The following ATP10B variants were observed in gnomAD, a reference collection of about 807,000 sequenced individuals.
ATP10B encodes phospholipid-transporting ATPase VB.
ATP10B carries 122 observed loss-of-function variants against 141.2 expected under a neutral mutation model. The ratio of observed to expected loss-of-function variants is 0.86; its 90% CI spans 0.75 to 1.00. The LOEUF is 1.00. Among genes scored for constraint, ATP10B ranks in the 50% least tolerant of loss-of-function variants. The pLI is 0.00. For synonymous variants in ATP10B, 685 were observed against 692.0 expected, an observed-to-expected ratio of 0.99 and a Z score of 0.16; for missense variants, 1,876 against 1,825.3, an observed-to-expected ratio of 1.03 and a Z score of -0.51.
At chr5:160,602,538 G>A (rs1417064580) in intron 21 of ATP10B, 39 bp downstream of exon 21, 1 of 1,611,788 alleles carries the variant, frequency 6.2e-7, no homozygotes, top group Non-Finnish European at 8.5e-7. Context: ...GGCAAGGCCT[G>A]CCAAAGCCCT....
the ATP10B span, among the ~76,000 whole-genome samples, chr5:160,858,814 T>C: frequency 6.6e-6 from 1 of 151,880 alleles, no homozygotes; most frequent in East Asian, 1.9e-4. Context: ...GTTTTATCAT[T>C]TTACCAGTTT....
Position 160,649,242 on chromosome 5 carries a change from T to A in ATP10B, c.690A>T (p.Glu230Asp). The A allele has an allele frequency of 6.2e-7, 1 of 1,613,864 alleles. No individual in the cohort carries two copies. Among genetic ancestry groups the A allele is most frequent in the South Asian group, 1.1e-5 (1 of 91,072 alleles). Residue 230 changes from glutamate (E) to aspartate (D), a missense_variant, in exon 8 of 26, where the codon GAA (glutamate) becomes GAT (aspartate). Glu to Asp is a conservative substitution (Grantham distance 45). Coordinates refer to ENST00000327245, the MANE Select transcript of ATP10B (RefSeq NM_025153.3). ...KGFSQQEVQF[E>D]PELFHNTIVC... ...CGATGGTATTGTGGAAAAGCTCTGG[T>A]TCGAACTGTACCTCCTGTGAGAGAG...
At chr5:160,698,321 T>G (rs1764488111) in intron 3 of ATP10B, among the ~76,000 whole-genome samples, 1 of 152,192 alleles carries the variant, frequency 6.6e-6, no homozygotes, top group Non-Finnish European at 1.5e-5. Flanking sequence ...TTTTTCCCTT[T>G]AAATATTTTT....
chr5:160,806,295 A>G (rs1231525044), intron 1 of ATP10B, among the ~76,000 whole-genome samples: 1 of 152,186 alleles, frequency 6.6e-6, no homozygotes, highest in South Asian at 2.1e-4. Flanking sequence ...TGCCAGTCCA[A>G]TTACACTCCC....
At chr5:160,769,207 C>A (rs1404464526) in intron 2 of ATP10B, among the ~76,000 whole-genome samples, 1 of 152,128 alleles carries the variant, frequency 6.6e-6, no homozygotes, top group East Asian at 1.9e-4. Context: ...AAATTTAATT[C>A]TTTCCTAGAG....
Position 160,634,581 on chromosome 5 carries a change from A to G in ATP10B, c.1154T>C (p.Val385Ala). The G allele has an allele frequency of 6.2e-7, 1 of 1,612,152 alleles. No homozygotes were observed. The highest frequency in any genetic ancestry group is 8.5e-7 in the Non-Finnish European group (1 of 1,178,838). The part of the protein sequence containing the change: ...LQVLIPISLY[V>A]SIELVKLGQV... The stretch of plus-strand genomic sequence containing the variant: ...CCCGAGCTTCACCAGCTCAATGGAG[A>G]CATACAAAGAGATGGGGATCAGCAC... Residue 385 changes from valine to alanine, a missense_variant, in exon 12 of 26, where the codon GTC becomes GCC. Physicochemically the swap from Val to Ala is moderately conservative, Grantham distance 64. Coordinates refer to ENST00000327245, the MANE Select transcript of ATP10B (RefSeq NM_025153.3).
intron 1 of ATP10B, among the ~76,000 whole-genome samples, chr5:160,847,432 A>T (rs1776195736): frequency 6.6e-6 from 1 of 152,124 alleles, no homozygotes; most frequent in Non-Finnish European, 1.5e-5. Flanking sequence ...CCTTGCGGTG[A>T]CCCCTTATGT....
At chr5:160,921,057 C>G in the ATP10B span, among the ~76,000 whole-genome samples, 1 of 152,158 alleles carries the variant, frequency 6.6e-6, no homozygotes, top group East Asian at 1.9e-4. Flanking sequence ...ACCCGCTCCC[C>G]ACCTTCCCCG....
At chr5:160,884,735 T>C in the ATP10B span, among the ~76,000 whole-genome samples, 1 of 152,132 alleles carries the variant, frequency 6.6e-6, no homozygotes, top group African/African-American at 2.4e-5. Flanking sequence ...AAAGTTAATT[T>C]AAAGAAAAGT....
At chr5:160,925,039 C>T in the ATP10B span, among the ~76,000 whole-genome samples, 1 of 152,204 alleles carries the variant, frequency 6.6e-6, no homozygotes, top group Admixed American at 6.5e-5. Flanking sequence ...CTAAAGATGA[C>T]AGGACACCGA....
chr5:160,636,791 C>T (rs1759411567), intron 10 of ATP10B, among the ~76,000 whole-genome samples: 1 of 150,116 alleles, frequency 6.7e-6, no homozygotes, highest in African/African-American at 2.5e-5. Flanking sequence ...CATCCATCCA[C>T]CTACCCATCT....
At position 160,649,217 on chromosome 5, in the gene ATP10B, C is replaced by T. The variant is rs751050963; in HGVS notation, c.715G>A (p.Val239Met). 3.8e-5 allele frequency: 62 copies of T among 1,613,806 alleles called. No individual in the cohort carries two copies. The highest frequency in any genetic ancestry group is 1.6e-4 in the Middle Eastern group (1 of 6,082). The change falls in exon 8 of 26, where the codon GTG becomes ATG. Residue 239 changes from valine (V) to methionine (M), a missense_variant. Physicochemically the swap from Val to Met is conservative, Grantham distance 21 (BLOSUM62 1). Coordinates refer to ENST00000327245, the MANE Select transcript of ATP10B (RefSeq NM_025153.3). ...FEPELFHNTI[V>M]CEKPNNHLNK... ...AGGTGGTTGTTGGGTTTCTCACACACGATGGTATTGTGGAAAAGCTCTGGT... is the reference window on the plus strand; with the variant it reads ...AGGTGGTTGTTGGGTTTCTCACACATGATGGTATTGTGGAAAAGCTCTGGT...
At chr5:160,905,711 AT>A in the ATP10B span, among the ~76,000 whole-genome samples, 2 of 137,722 alleles carry the variant, frequency 1.5e-5, no homozygotes, top group East Asian at 4.3e-4. Context: ...GTTAGCTAGG[AT>A]TGCTATTATA....
chr5:160,612,743 G>A lies in ATP10B; in HGVS notation c.2836C>T (p.Gln946Ter). Reference protein sequence around the residue: ...DTVYTINTENQETCESILNCA... With the variant: ...DTVYTINTEN ...ATCAATACAGAGAATCACCTCACCT[G>A]ATTCTCTGTATTGATGGTATAAACA... is the stretch of plus-strand genomic sequence containing the variant. Residue 946 changes from glutamine to a stop codon, truncating the protein, a stop_gained and splice_region_variant, in exon 18 of 26, where the codon CAG (glutamine) becomes TAG (stop). Transcript: ENST00000327245. LOFTEE classifies it high-confidence loss of function. 1.9e-6 allele frequency: 3 copies of A among 1,612,438 alleles called. No individual in the cohort carries two copies. The highest frequency in any genetic ancestry group is 1.7e-6 in the Non-Finnish European group (2 of 1,178,924).
At chr5:160,720,554 G>T (rs576522752) in intron 2 of ATP10B, among the ~76,000 whole-genome samples, 1 of 152,218 alleles carries the variant, frequency 6.6e-6, no homozygotes, top group Non-Finnish European at 1.5e-5. Context: ...TCAATCAGGC[G>T]TTGGCCAAGA....
chr5:160,620,036 T>G (rs185386892), intron 15 of ATP10B, among the ~76,000 whole-genome samples: 28 of 152,340 alleles, frequency 1.8e-4, no homozygotes, highest in Non-Finnish European at 1.0e-4. Context: ...GATGTTCTAG[T>G]GCAAAAGACT....
chr5:160,845,010 TG>T (rs1193181450), intron 1 of ATP10B, among the ~76,000 whole-genome samples: 2 of 148,736 alleles, frequency 1.3e-5, no homozygotes, highest in Non-Finnish European at 3.0e-5. Context: ...AGATCGGATT[TG>T]GCCACCCTTA....
chr5:160,698,631 CAG>C (rs1225809107), intron 3 of ATP10B, among the ~76,000 whole-genome samples: 14 of 151,862 alleles, frequency 9.2e-5, no homozygotes, highest in African/African-American at 3.4e-4. Flanking sequence ...AGGTGAAGTG[CAG>C]AGAGGAAAAT....
chr5:160,796,073 C>A (rs1048647106), intron 1 of ATP10B, among the ~76,000 whole-genome samples: 12 of 152,134 alleles, frequency 7.9e-5, no homozygotes, highest in African/African-American at 2.9e-4. Context: ...CCTCACCACA[C>A]CAACTCTAAG....
Sources: gnomAD v4.1 joint callset for allele counts (sites outside exome capture counted in the v4.1 genomes callset) on GRCh38, gnomAD v4.1.1 for gene constraint, MANE v1.5 for transcripts, NCBI Gene and HGNC (gene_info 2026-07-23, HGNC 2026-07-21) for gene names.